Variants in ADCY3 observed in about 807,000 individuals in gnomAD.
ADCY3 encodes the protein adenylate cyclase type 3.
A neutral mutation model predicts 119.4 loss-of-function variants in ADCY3; 70 were observed. The observed-to-expected ratio is 0.59, with a 90% CI of 0.48 to 0.72. The LOEUF is 0.72. ADCY3 is among the 30% of genes least tolerant of loss of function. ADCY3 has a pLI of 0.00. For missense variants in ADCY3, 1,238 were observed against 1,541.6 expected, an observed-to-expected ratio of 0.80 and a Z score of 3.30; for synonymous variants, 672 against 621.4, an observed-to-expected ratio of 1.08 and a Z score of -1.21.
intron 2 of ADCY3, among the ~76,000 whole-genome samples, chr2:24,887,269 C>T (rs765299179): frequency 6.6e-6 from 1 of 152,140 alleles, no homozygotes; most frequent in African/African-American, 2.4e-5. Flanking sequence ...TGGGGGAAAC[C>T]ACCCCATGAT....
chr2:24,821,424 G>A, intron 20 of ADCY3, 93 bp downstream of exon 20: 9 of 1,540,364 alleles, frequency 5.8e-6, no homozygotes, highest in Non-Finnish European at 7.9e-6. Flanking sequence ...AATTGCCTCA[G>A]TTGTCCTGAG....
intron 2 of ADCY3, among the ~76,000 whole-genome samples, chr2:24,895,254 C>A (rs1375571794): frequency 6.7e-6 from 1 of 150,358 alleles, no homozygotes; most frequent in Non-Finnish European, 1.5e-5. Flanking sequence ...CCACGCCCAG[C>A]TAATTTTTGT....
Position 24,878,964 on chromosome 2 carries a change from C to A in ADCY3, c.676-6245G>T, listed in dbSNP as rs903318462. On this transcript the variant is annotated intron_variant, in intron 2 of 21. Coordinates refer to ENST00000679454, the MANE Select transcript of ADCY3 (RefSeq NM_004036.5). This position sits in a 1 kb window ranked among gnomAD's most constrained non-coding sequence, Gnocchi z 4.0. ...AAGCAAACTCCATGCAGCCGGGACA[C>A]GGGTTGTTTCCCTGCTGGCTCCCCA... Among the ~76,000 whole-genome samples the A allele has an allele frequency of 6.6e-6, 1 of 152,176 alleles. No homozygotes were observed. Among genetic ancestry groups the A allele is most frequent in the Non-Finnish European group, 1.5e-5 (1 of 68,032 alleles).
intron 2 of ADCY3, among the ~76,000 whole-genome samples, chr2:24,907,970 G>C (rs984550905): frequency 6.6e-6 from 1 of 151,758 alleles, no homozygotes; most frequent in African/African-American, 2.4e-5. Flanking sequence ...CTCCAGCCTG[G>C]GCAACAGAAC....
At chr2:24,833,423 G>A (rs914238916) in intron 11 of ADCY3, among the ~76,000 whole-genome samples, 3 of 152,140 alleles carry the variant, frequency 2.0e-5, no homozygotes, top group East Asian at 1.9e-4. Context: ...GCTTCCAGGC[G>A]TTACTGAAAT....
At chr2:24,856,250 C>T (rs1672985951) in intron 3 of ADCY3, among the ~76,000 whole-genome samples, 1 of 152,188 alleles carries the variant, frequency 6.6e-6, no homozygotes, top group Non-Finnish European at 1.5e-5. Context: ...TACGTGTCTA[C>T]TGTCTACAGT....
chr2:24,836,785 C>G lies in ADCY3; in HGVS notation c.1662+132G>C, dbSNP rs111228457. On this transcript the variant is annotated intron_variant, in intron 9 of 21. Coordinates refer to ENST00000679454, the MANE Select transcript of ADCY3 (RefSeq NM_004036.5). ...GGGTGACCTGTCCATGGTTACAGTG[C>G]TAAGCAGGAGCAGGTCCTGGGTGGT... is the stretch of plus-strand genomic sequence containing the variant. 4,305 of 1,361,136 alleles carry G rather than the reference C, an allele frequency of 3.2e-3. 8 individuals are homozygous for G. Among genetic ancestry groups the G allele is most frequent in the Non-Finnish European group, 3.9e-3 (4,015 of 1,024,714 alleles). 84.3% of individuals were successfully genotyped at this position (1,361,136 alleles called of 1,614,324 possible).
intron 2 of ADCY3, among the ~76,000 whole-genome samples, chr2:24,910,849 G>A (rs1663522173): frequency 6.6e-6 from 1 of 152,042 alleles, no homozygotes; most frequent in Non-Finnish European, 1.5e-5. Flanking sequence ...GTTTCACCAT[G>A]TTGGCCAGGA....
chr2:24,895,622 C>CT (rs1401950559), intron 2 of ADCY3, among the ~76,000 whole-genome samples: 1 of 150,804 alleles, frequency 6.6e-6, no homozygotes, highest in East Asian at 1.9e-4. Flanking sequence ...TTCTTTCTTT[C>CT]TTCTTCTTTT....
chr2:24,875,505 A>C (rs74370213), intron 2 of ADCY3, among the ~76,000 whole-genome samples: 14,643 of 152,306 alleles, frequency 0.096, 804 homozygotes, highest in African/African-American at 0.14. Flanking sequence ...GCTTTGAGAG[A>C]GATGATTCCA....
chr2:24,873,922 C>T (rs1449294201), intron 2 of ADCY3, among the ~76,000 whole-genome samples: 3 of 152,192 alleles, frequency 2.0e-5, no homozygotes, highest in African/African-American at 7.2e-5. Flanking sequence ...CAATTTCTGG[C>T]CCTCAGGGGA....
chr2:24,828,967 AGGTAGG>A (rs1669021951), intron 13 of ADCY3, among the ~76,000 whole-genome samples: 1 of 151,746 alleles, frequency 6.6e-6, no homozygotes. Context: ...CCCCTGGCCA[AGGTAGG>A]CTCTGGAGCC....
intron 2 of ADCY3, among the ~76,000 whole-genome samples, chr2:24,909,263 C>T (rs1663288754): frequency 6.6e-6 from 1 of 152,172 alleles, no homozygotes; most frequent in Non-Finnish European, 1.5e-5. Context: ...TTCAGGTCCA[C>T]CAAGATGATC....
At chr2:24,911,217 C>CTTTTTTTTT (rs61442701) in intron 2 of ADCY3, among the ~76,000 whole-genome samples, 2 of 93,482 alleles carry the variant, frequency 2.1e-5, no homozygotes, top group African/African-American at 4.8e-5. Flanking sequence ...TATAAGGGTT[C>CTTTTTTTTT]TTTTTTTTTT....
intron 2 of ADCY3, among the ~76,000 whole-genome samples, chr2:24,916,011 G>C (rs1276334044): frequency 1.3e-5 from 2 of 152,162 alleles, no homozygotes; most frequent in African/African-American, 4.8e-5. Flanking sequence ...TCCTGCCTTC[G>C]ATCTCAGGCT....
intron 3 of ADCY3, among the ~76,000 whole-genome samples, chr2:24,855,049 C>T (rs879626887): frequency 6.6e-6 from 1 of 151,982 alleles, no homozygotes. Context: ...GCCTCCATCC[C>T]GAAACAAATA....
Position 24,834,427 on chromosome 2 carries a change from C to A in ADCY3, c.1967+58G>T. 1.8e-6 allele frequency: 2 copies of A among 1,107,740 alleles called. No homozygotes were observed. Among genetic ancestry groups the A allele is most frequent in the South Asian group, 2.7e-5 (2 of 73,168 alleles). 68.6% of individuals were successfully genotyped at this position (1,107,740 alleles called of 1,614,324 possible). On this transcript the variant is annotated intron_variant, in intron 11 of 21. Coordinates refer to ENST00000679454, the MANE Select transcript of ADCY3 (RefSeq NM_004036.5). This position sits in a 1 kb window ranked among gnomAD's most constrained non-coding sequence, Gnocchi z 4.2. ...CCCGCTGAGACACCTGCCCCCGCCCCCCGCCCGGCACCACCGCAGCCGAGG... is the reference window on the plus strand; with the variant it reads ...CCCGCTGAGACACCTGCCCCCGCCCACCGCCCGGCACCACCGCAGCCGAGG...
At chr2:24,869,047 T>C (rs1437976012) in intron 3 of ADCY3, among the ~76,000 whole-genome samples, 1 of 151,792 alleles carries the variant, frequency 6.6e-6, no homozygotes, top group African/African-American at 2.4e-5. Context: ...AAATCAGAGA[T>C]AAGAAATGTA....
chr2:24,846,409 G>A (rs1671655183), intron 3 of ADCY3, among the ~76,000 whole-genome samples: 1 of 152,172 alleles, frequency 6.6e-6, no homozygotes, highest in Non-Finnish European at 1.5e-5. Context: ...GGAGTCAAAG[G>A]AGGTCATTTT....
Sources: gnomAD v4.1 joint callset for allele counts (sites outside exome capture counted in the v4.1 genomes callset) on GRCh38, gnomAD v4.1.1 for gene constraint, Gnocchi (gnomAD v3.1) non-coding constraint, MANE v1.5 for transcripts, NCBI Gene and HGNC (gene_info 2026-07-23, HGNC 2026-07-21) for gene names.